Variants in SLC25A13 observed in about 807,000 individuals in gnomAD.
The protein encoded by SLC25A13 is electrogenic aspartate/glutamate antiporter SLC25A13, mitochondrial.
A neutral mutation model predicts 85.5 loss-of-function variants in SLC25A13; 70 were observed. That is an observed-to-expected ratio of 0.82 (90% CI 0.68 to 1.00). SLC25A13 has a LOEUF of 1.00. Among genes scored for constraint, SLC25A13 ranks in the 50% least tolerant of loss-of-function variants. The pLI is 0.00. For missense variants in SLC25A13, 765 were observed against 819.8 expected, an observed-to-expected ratio of 0.93 and a Z score of 0.82; for synonymous variants, 259 against 288.7, an observed-to-expected ratio of 0.90 and a Z score of 1.04.
At chr7:96,238,343 C>A (rs1796820788) in intron 3 of SLC25A13, among the ~76,000 whole-genome samples, 2 of 151,948 alleles carry the variant, frequency 1.3e-5, no homozygotes, top group South Asian at 2.1e-4. Context: ...ACCAACCCTG[C>A]TGAACCTCCA....
At chr7:96,285,684 T>C (rs1325945192) in intron 2 of SLC25A13, among the ~76,000 whole-genome samples, 1 of 152,150 alleles carries the variant, frequency 6.6e-6, no homozygotes, top group African/African-American at 2.4e-5. Context: ...TTTAAGATTC[T>C]TTGTTACCTC....
At chr7:96,316,142 T>A (rs780886233) in intron 1 of SLC25A13, among the ~76,000 whole-genome samples, 6 of 152,016 alleles carry the variant, frequency 3.9e-5, no homozygotes, top group Non-Finnish European at 5.9e-5. Flanking sequence ...ATATATATAT[T>A]ATAGTCCAAA....
chr7:96,218,489 C>T (rs535887997), intron 4 of SLC25A13, among the ~76,000 whole-genome samples: 1 of 152,220 alleles, frequency 6.6e-6, no homozygotes, highest in Non-Finnish European at 1.5e-5. Context: ...TTAACCTCCA[C>T]CACACTATAA....
chr7:96,162,172 G>A (rs1395130090), intron 13 of SLC25A13, among the ~76,000 whole-genome samples: 4 of 152,162 alleles, frequency 2.6e-5, no homozygotes, highest in Non-Finnish European at 5.9e-5. Context: ...AAAAGATCGC[G>A]AAGTAAGACT....
chr7:96,160,470 G>A (rs1793463670), intron 13 of SLC25A13, among the ~76,000 whole-genome samples: 1 of 152,178 alleles, frequency 6.6e-6, no homozygotes, highest in Admixed American at 6.5e-5. Flanking sequence ...ATTTCTCAGA[G>A]TTCTGGAGGC....
intron 1 of SLC25A13, among the ~76,000 whole-genome samples, chr7:96,312,106 C>T (rs1403148296): frequency 6.6e-6 from 1 of 152,170 alleles, no homozygotes; most frequent in African/African-American, 2.4e-5. Flanking sequence ...CACTGCATAG[C>T]AAGATAAATT....
At chr7:96,145,807 G>T (rs886801343) in intron 14 of SLC25A13, among the ~76,000 whole-genome samples, 1 of 152,076 alleles carries the variant, frequency 6.6e-6, no homozygotes, top group Non-Finnish European at 1.5e-5. Flanking sequence ...AAACAAAGCA[G>T]TATTAATTTT....
At chr7:96,224,692 T>C (rs1427648729) in intron 4 of SLC25A13, among the ~76,000 whole-genome samples, 2 of 152,240 alleles carry the variant, frequency 1.3e-5, no homozygotes, top group East Asian at 3.8e-4. Flanking sequence ...CTCTTCCTTA[T>C]TACTTTCCAC....
At chr7:96,129,214 C>G (rs1584345855) in intron 15 of SLC25A13, among the ~76,000 whole-genome samples, 1 of 152,230 alleles carries the variant, frequency 6.6e-6, no homozygotes, top group East Asian at 1.9e-4. Context: ...CACCTGTTTC[C>G]TGACTCACAG....
chr7:96,215,883 G>A (rs995624262), intron 4 of SLC25A13, among the ~76,000 whole-genome samples: 9 of 152,006 alleles, frequency 5.9e-5, no homozygotes, highest in East Asian at 5.8e-4. Context: ...GGCCAGGCAC[G>A]GTGGCTCACG....
chr7:96,208,194 A>T (rs1795531838), intron 5 of SLC25A13, among the ~76,000 whole-genome samples: 1 of 152,190 alleles, frequency 6.6e-6, no homozygotes, highest in Admixed American at 6.5e-5. Context: ...ACAAGCCAAA[A>T]TTTTAAGTTG....
chr7:96,192,929 TGTTA>T, intron 6 of SLC25A13, 104 bp downstream of exon 6: 1 of 1,221,986 alleles, frequency 8.2e-7, no homozygotes, highest in Non-Finnish European at 1.2e-6. Context: ...CACATTAAAA[TGTTA>T]GTGTTTGCAA....
At chr7:96,261,250 C>CA (rs977349979) in intron 3 of SLC25A13, among the ~76,000 whole-genome samples, 1 of 152,044 alleles carries the variant, frequency 6.6e-6, no homozygotes, top group African/African-American at 2.4e-5. Flanking sequence ...ACCTCTATAT[C>CA]ATCTATATAT....
chr7:96,220,452 A>G (rs552890050), intron 4 of SLC25A13, among the ~76,000 whole-genome samples: 2 of 152,278 alleles, frequency 1.3e-5, no homozygotes, highest in Admixed American at 6.5e-5. Context: ...AGAATTTCCA[A>G]TATGTTCTTG....
chr7:96,253,185 G>A (rs1797501755), intron 3 of SLC25A13, among the ~76,000 whole-genome samples: 1 of 152,168 alleles, frequency 6.6e-6, no homozygotes, highest in Admixed American at 6.5e-5. Context: ...AAATGGGGCA[G>A]AATCTGAAGA....
chr7:96,304,514 G>A (rs1176149909), intron 1 of SLC25A13, among the ~76,000 whole-genome samples: 1 of 152,152 alleles, frequency 6.6e-6, no homozygotes. Context: ...TGTTTTAGCT[G>A]GGTTCTGTTA....
At chr7:96,318,380 G>GT (rs1239720036) in intron 1 of SLC25A13, among the ~76,000 whole-genome samples, 4 of 152,126 alleles carry the variant, frequency 2.6e-5, no homozygotes, top group East Asian at 1.9e-4. Context: ...TTTTAAAACT[G>GT]TTTTTTTATG....
chr7:96,235,464 G>A (rs997146783), intron 3 of SLC25A13, among the ~76,000 whole-genome samples: 1 of 152,128 alleles, frequency 6.6e-6, no homozygotes, highest in Non-Finnish European at 1.5e-5. Flanking sequence ...AGACAGCACT[G>A]GTCTAGAAAC....
chr7:96,180,437 G>A, intron 11 of SLC25A13, among the ~76,000 whole-genome samples: 1 of 152,152 alleles, frequency 6.6e-6, no homozygotes, highest in East Asian at 1.9e-4. Context: ...CTGGGTTCAA[G>A]CGATTCTCCT....
Sources: allele counts gnomAD v4.1 joint callset (sites outside exome capture counted in the v4.1 genomes callset), GRCh38; gene constraint gnomAD v4.1.1; transcripts MANE v1.5; gene names NCBI Gene and HGNC (gene_info 2026-07-23, HGNC 2026-07-21).